CCDC73: variants seen among roughly 807,000 people sequenced by gnomAD.
CCDC73 encodes the protein coiled-coil domain-containing protein 73.
In CCDC73, 95 loss-of-function variants were observed where a neutral mutation model predicts 116.5. That is an observed-to-expected ratio of 0.82 (90% confidence interval 0.69 to 0.97). CCDC73 has a LOEUF of 0.97. Among genes scored for constraint, CCDC73 ranks in the 50% least tolerant of loss-of-function variants. The pLI, the probability that CCDC73 is intolerant of heterozygous loss-of-function variation, is 0.00. For missense variants in CCDC73, 1,066 were observed against 1,206.8 expected, an observed-to-expected ratio of 0.88 and a Z score of 1.73; for synonymous variants, 398 against 401.3, an observed-to-expected ratio of 0.99 and a Z score of 0.10.
At chr11:32,776,972 CAT>C (rs1181223187) in intron 1 of CCDC73, among the ~76,000 whole-genome samples, 10 of 79,920 alleles carry the variant, frequency 1.3e-4, no homozygotes, top group South Asian at 4.6e-4. Flanking sequence ...CACACACACA[CAT>C]ATATATATAC....
intron 2 of CCDC73, among the ~76,000 whole-genome samples, chr11:32,743,069 T>C (rs1201683272): frequency 6.6e-6 from 1 of 152,202 alleles, no homozygotes; most frequent in Non-Finnish European, 1.5e-5. Context: ...CCTTGTAGTA[T>C]AGTTTGAAGT....
intron 6 of CCDC73, among the ~76,000 whole-genome samples, chr11:32,696,036 G>A (rs1856308394): frequency 6.6e-6 from 1 of 152,030 alleles, no homozygotes. Context: ...TGTGAGGTAT[G>A]GTTAGAATCA....
chr11:32,672,214 T>C (rs2133283961), intron 9 of CCDC73, among the ~76,000 whole-genome samples: 1 of 152,186 alleles, frequency 6.6e-6, no homozygotes, highest in South Asian at 2.1e-4. Flanking sequence ...TGGTGGTGCA[T>C]GCCTGTAGTC....
chr11:32,724,372 T>C (rs956881853), intron 2 of CCDC73, among the ~76,000 whole-genome samples: 6 of 152,156 alleles, frequency 3.9e-5, no homozygotes, highest in African/African-American at 1.2e-4. Flanking sequence ...TACTACGTGA[T>C]AGTATAGTTA....
At chr11:32,734,647 A>C (rs769637443) in intron 2 of CCDC73, among the ~76,000 whole-genome samples, 5 of 151,894 alleles carry the variant, frequency 3.3e-5, no homozygotes, top group Non-Finnish European at 4.4e-5. Flanking sequence ...TGCTGCCTTC[A>C]AGCATCTCCT....
chr11:32,822,399 T>G, the CCDC73 span, among the ~76,000 whole-genome samples: 1 of 152,198 alleles, frequency 6.6e-6, no homozygotes, highest in Non-Finnish European at 1.5e-5. Context: ...GGGAAGATCA[T>G]TTATGACTAA....
chr11:32,627,773 G>C (rs1855589836), intron 14 of CCDC73, among the ~76,000 whole-genome samples: 1 of 152,134 alleles, frequency 6.6e-6, no homozygotes, highest in Non-Finnish European at 1.5e-5. Context: ...TGAACAATGA[G>C]AACACATGGA....
chr11:32,648,009 C>T (rs796941372), intron 12 of CCDC73, among the ~76,000 whole-genome samples: 4 of 152,168 alleles, frequency 2.6e-5, no homozygotes, highest in Non-Finnish European at 4.4e-5. Flanking sequence ...CCCCTTCCCC[C>T]CAAACCTCAG....
intron 17 of CCDC73, among the ~76,000 whole-genome samples, chr11:32,607,253 C>T (rs897805084): frequency 2.7e-5 from 4 of 149,798 alleles, no homozygotes; most frequent in East Asian, 2.0e-4. Flanking sequence ...CCACTACGCC[C>T]GGCTAATTTT....
In CCDC73 at chr11:32,616,117, C is replaced by A; in HGVS notation, c.1198G>T (p.Val400Leu). 6.4e-7 allele frequency: 1 copy of A among 1,573,272 alleles called. No homozygotes were observed. Among genetic ancestry groups the A allele is most frequent in the Non-Finnish European group, 8.6e-7 (1 of 1,165,622 alleles). ...GACATTTCACTGTTTTCATTATTTACTTCTGGAACATTCTAGTGTAAAATG... is the reference window on the plus strand; with the variant it reads ...GACATTTCACTGTTTTCATTATTTAATTCTGGAACATTCTAGTGTAAAATG... ...EDKKFQNVPE[V>L]NNENSEMSTE... Residue 400 changes from valine (V) to leucine (L), a missense_variant, in exon 15 of 18, where the codon GTA becomes TTA. Val to Leu is a conservative substitution (Grantham distance 32, BLOSUM62 1). Transcript: ENST00000335185.
chr11:32,666,352 T>C (rs552147670), intron 9 of CCDC73, among the ~76,000 whole-genome samples: 1 of 152,320 alleles, frequency 6.6e-6, no homozygotes, highest in Admixed American at 6.5e-5. Flanking sequence ...GGAGGCTTTA[T>C]TCATTTCTTT....
chr11:32,667,546 CCAGGTGCCGTCTGTCA>C lies in CCDC73; in HGVS notation c.645+8003_645+8018del, dbSNP rs905187235. Among the ~76,000 whole-genome samples the C allele has an allele frequency of 3.1e-3, 424 of 138,342 alleles. 5 individuals are homozygous for C. Among genetic ancestry groups the C allele is most frequent in the African/African-American group, 0.011 (411 of 36,642 alleles). The allele number at this position is 138,342 out of a possible 152,430, so 90.8% of individuals were successfully genotyped here. On this transcript the variant is annotated intron_variant, in intron 9 of 17. Transcript: ENST00000335185. ...ATTAGGGTGGGAGTGACCCGATTTT[CCAGGTGCCGTCTGTCA>C]CAGCTCCCTTGGCTAGGAAAGGGAA...
At chr11:32,787,621 A>G (rs753407185) in intron 1 of CCDC73, among the ~76,000 whole-genome samples, 1 of 152,188 alleles carries the variant, frequency 6.6e-6, no homozygotes, top group Non-Finnish European at 1.5e-5. Context: ...CTTGAAAAGA[A>G]TGGCAAATTA....
At chr11:32,762,877 G>A (rs1850404117) in intron 1 of CCDC73, among the ~76,000 whole-genome samples, 2 of 152,126 alleles carry the variant, frequency 1.3e-5, no homozygotes, top group Admixed American at 1.3e-4. Context: ...CACAGCACCT[G>A]GAAAATCGAG....
At chr11:32,743,797 G>C (rs1382211739) in intron 2 of CCDC73, among the ~76,000 whole-genome samples, 1 of 152,164 alleles carries the variant, frequency 6.6e-6, no homozygotes, top group Non-Finnish European at 1.5e-5. Context: ...TCAGCTTAAG[G>C]AGATTTGGGG....
At chr11:32,655,223 A>G (rs1281510301) in intron 9 of CCDC73, among the ~76,000 whole-genome samples, 2 of 152,230 alleles carry the variant, frequency 1.3e-5, no homozygotes, top group African/African-American at 4.8e-5. Flanking sequence ...AACAAAATCA[A>G]CTAACTAACC....
At chr11:32,765,909 A>G (rs1850436695) in intron 1 of CCDC73, among the ~76,000 whole-genome samples, 1 of 152,230 alleles carries the variant, frequency 6.6e-6, no homozygotes, top group Non-Finnish European at 1.5e-5. Flanking sequence ...TCTTTCTGAA[A>G]CTATTCCAAT....
At chr11:32,681,575 T>C (rs1856144888) in intron 7 of CCDC73, 2 of 152,034 alleles carry the variant, frequency 1.3e-5, no homozygotes, top group South Asian at 2.1e-4. Flanking sequence ...GACTTACCTA[T>C]AGGAGCTCAT....
Position 32,676,013 on chromosome 11 carries a change from C to T in CCDC73, c.438G>A (p.Lys146=). 2 of 1,589,378 alleles carry T rather than the reference C, an allele frequency of 1.3e-6. No individual in the cohort carries two copies. Among genetic ancestry groups the T allele is most frequent in the African/African-American group, 2.7e-5 (2 of 73,664 alleles). The change falls in exon 8 of 18, where the codon AAG becomes AAA. Residue 146 remains lysine (K), a synonymous_variant. Transcript: ENST00000335185. ...CTTTAGCCAGAAGATGTAACTGGAC[C>T]TTTTGTTCCTATTTTGAAGAGTAAT... ...LQKKVSEMEQ[K]VQLHLLAKED...
Sources: allele counts gnomAD v4.1 joint callset (sites outside exome capture counted in the v4.1 genomes callset), GRCh38; gene constraint gnomAD v4.1.1; transcripts MANE v1.5; gene names NCBI Gene and HGNC (gene_info 2026-07-23, HGNC 2026-07-21).